The following DHTKD1 variants were observed in gnomAD, a reference collection of about 807,000 sequenced individuals.
DHTKD1 encodes the protein dehydrogenase E1 and transketolase domain containing 1, also known as 2-oxoadipate dehydrogenase complex component E1.
Under a neutral mutation model 101.8 loss-of-function variants are expected in DHTKD1, and 78 were observed. That is an observed-to-expected ratio of 0.77 (90% CI 0.64 to 0.93). DHTKD1 has a LOEUF of 0.93. Among genes scored for constraint, DHTKD1 ranks in the 40% least tolerant of loss-of-function variants. The probability of loss-of-function intolerance (pLI) is 0.00; values close to 1 mark genes in which losing one functional copy is unlikely to be tolerated. For missense variants in DHTKD1, 1,223 were observed against 1,161.7 expected (o/e 1.05, Z -0.77); for synonymous variants, 462 against 450.3 (o/e 1.03, Z -0.33).
chr10:12,069,291 T>G (rs1588597557), intron 1 of DHTKD1, 104 bp downstream of exon 1: 13 of 799,780 alleles, frequency 1.6e-5, no homozygotes, highest in East Asian at 1.3e-4. Context: ...GCTGCCGGCC[T>G]GAACGCGCGG....
chr10:12,103,181 C>T lies in DHTKD1; in HGVS notation c.1896+2000C>T, dbSNP rs1021599576. On this transcript the variant is annotated intron_variant, in intron 10 of 16. Transcript: ENST00000263035. The surrounding 1 kb of genome is among the most constrained non-coding windows in gnomAD (Gnocchi z 4.8). ...GAGGTAGTGAGCGGAGATCATACCA[C>T]TGCCCTCCAGTTTGGGCAACAGAGC... 6.6e-6 allele frequency among the ~76,000 whole-genome samples: 1 copy of T among 152,150 alleles called. No individual in the cohort carries two copies. Among genetic ancestry groups the T allele is most frequent in the Non-Finnish European group, 1.5e-5 (1 of 68,032 alleles).
chr10:12,118,790 C>T lies in DHTKD1; in HGVS notation c.2444C>T (p.Ser815Phe), dbSNP rs1421180515. Residue 815 changes from serine (S) to phenylalanine (F), a missense_variant, in exon 15 of 17, where the codon TCC becomes TTC. By Grantham distance (155) the Ser-to-Phe change is radical. Transcript: ENST00000263035. The stretch of plus-strand genomic sequence containing the variant: ...TTCTGCTCCGGCAAACATTTCTACT[C>T]CCTGGTGAAACAAAGAGAATCTCTG... ...LVFCSGKHFY[S>F]LVKQRESLGA... 4 of 1,605,460 alleles carry T rather than the reference C, an allele frequency of 2.5e-6. No individual in the cohort carries two copies. The highest frequency in any genetic ancestry group is 1.7e-4 in the Middle Eastern group (1 of 6,012).
chr10:12,120,155 G>A (rs1458740516), intron 15 of DHTKD1, 27 bp from the exon 16 acceptor site: 1 of 1,572,442 alleles, frequency 6.4e-7, no homozygotes, highest in Admixed American at 1.7e-5. Context: ...TCTACTTGAG[G>A]TGCTGAAAGA....
chr10:12,074,518 G>T (rs1832696781), intron 1 of DHTKD1, among the ~76,000 whole-genome samples: 1 of 151,756 alleles, frequency 6.6e-6, no homozygotes, highest in Non-Finnish European at 1.5e-5. Context: ...ACCATGCCCG[G>T]CTAATTTTTT....
chr10:12,114,090 G>A (rs935090721), intron 13 of DHTKD1, among the ~76,000 whole-genome samples: 1 of 150,898 alleles, frequency 6.6e-6, no homozygotes, highest in African/African-American at 2.4e-5. Flanking sequence ...AGGCTAGAGT[G>A]CAGTGGCGTG....
Position 12,106,360 on chromosome 10 carries a change from G to C in DHTKD1, c.2011G>C (p.Gly671Arg). The change falls in exon 11 of 17, where the codon GGT (glycine) becomes CGT (arginine). Residue 671 changes from glycine (G) to arginine (R), a missense_variant. By Grantham distance (125) the Gly-to-Arg change is moderately radical (BLOSUM62 -2). Transcript: ENST00000263035. ...GGCACAGTTTGGCGATTTCTTCAAT[G>C]GTGCCCAGATCATCTTTGACACATT... ...WEAQFGDFFN[G>R]AQIIFDTFIS... is the part of the protein sequence containing the mutation. The C allele has an allele frequency of 6.2e-7, 1 of 1,614,206 alleles. No homozygotes were observed. Among genetic ancestry groups the C allele is most frequent in the Non-Finnish European group, 8.5e-7 (1 of 1,180,044 alleles).
At position 12,069,304 on chromosome 10, in the gene DHTKD1, G is replaced by A. The variant is rs1276030114; in HGVS notation, c.154+117G>A. 16 of 894,982 alleles carry A rather than the reference G, an allele frequency of 1.8e-5. No homozygotes were observed. The South Asian group carries it at 1.9e-4, about 11-fold the overall frequency. 55.4% of individuals were successfully genotyped at this position (894,982 alleles called of 1,614,324 possible). ...CGGCTGCCGGCCTGAACGCGCGGCC[G>A]GTGGGGAGGAGGGGGAGGTGAGGGG... On this transcript the variant is annotated intron_variant, in intron 1 of 16. Transcript: ENST00000263035.
rs745702122 is a variant in DHTKD1, at chr10:12,101,107, G to C, written c.1822G>C (p.Val608Leu). 2.5e-6 allele frequency: 4 copies of C among 1,614,072 alleles called. No homozygotes were observed. In the South Asian group the frequency reaches 4.4e-5, roughly 18 times the overall value. Residue 608 changes from valine (V) to leucine (L), a missense_variant, in exon 10 of 17, where the codon GTG becomes CTG. By Grantham distance (32) the Val-to-Leu change is conservative. Transcript: ENST00000263035. ...AACTTTCAGTCAGAGGCATGCAATC[G>C]TGGTTTGCCAGGAGACGGATGACAC... ...RGTFSQRHAI[V>L]VCQETDDTYI...
At chr10:12,081,970 A>T (rs1467446816) in intron 2 of DHTKD1, among the ~76,000 whole-genome samples, 2 of 151,696 alleles carry the variant, frequency 1.3e-5, no homozygotes, top group African/African-American at 4.8e-5. Flanking sequence ...CAAAAAAAAA[A>T]AAAAAAAATA....
Position 12,107,783 on chromosome 10 carries a change from G to A in DHTKD1, c.2048-126G>A, listed in dbSNP as rs1460795537. Reference sequence around the variant, plus strand: ...GTATAGCATAACAGTTCTAGAAGGTGCATGTAATGAAAGCAGTTTTGGGGG... The same window carrying A: ...GTATAGCATAACAGTTCTAGAAGGTACATGTAATGAAAGCAGTTTTGGGGG... On this transcript the variant is annotated intron_variant, in intron 11 of 16. Coordinates refer to ENST00000263035, the MANE Select transcript of DHTKD1 (RefSeq NM_018706.7). This position sits in a 1 kb window ranked among gnomAD's most constrained non-coding sequence, Gnocchi z 4.1. 1 of 644,198 alleles carries A rather than the reference G, an allele frequency of 1.6e-6. No individual in the cohort carries two copies. The highest frequency in any genetic ancestry group is 2.8e-6 in the Non-Finnish European group (1 of 357,032). The allele number at this position is 644,198 out of a possible 1,614,324, so 39.9% of individuals were successfully genotyped here.
chr10:12,081,128 G>A (rs1425585125), intron 1 of DHTKD1, among the ~76,000 whole-genome samples: 9 of 151,724 alleles, frequency 5.9e-5, no homozygotes, highest in Non-Finnish European at 8.8e-5. Context: ...GTGAAACCCC[G>A]TCTCTACTAA....
chr10:12,092,304 C>T (rs1022249043), intron 6 of DHTKD1, among the ~76,000 whole-genome samples: 1 of 151,600 alleles, frequency 6.6e-6, no homozygotes, highest in African/African-American at 2.4e-5. Context: ...TTTTTAAATC[C>T]AAAGAAATAA....
At chr10:12,101,898 A>G (rs1281890012) in intron 10 of DHTKD1, among the ~76,000 whole-genome samples, 1 of 152,222 alleles carries the variant, frequency 6.6e-6, no homozygotes, top group Non-Finnish European at 1.5e-5. Flanking sequence ...CACTGCACCC[A>G]GCCAGATATA....
intron 1 of DHTKD1, among the ~76,000 whole-genome samples, chr10:12,072,943 T>C (rs1032965727): frequency 2.6e-5 from 4 of 151,748 alleles, no homozygotes; most frequent in African/African-American, 9.7e-5. Context: ...TCTGTGTTGG[T>C]CAGGCTGGTC....
intron 7 of DHTKD1, 82 bp downstream of exon 7, chr10:12,094,353 T>G: frequency 7.7e-7 from 1 of 1,291,104 alleles, no homozygotes; most frequent in East Asian, 2.5e-5. Flanking sequence ...AGTCTTGCTT[T>G]GTCACCCAGT....
chr10:12,111,332 AT>A (rs1225291009), intron 12 of DHTKD1, among the ~76,000 whole-genome samples: 20 of 151,936 alleles, frequency 1.3e-4, no homozygotes, highest in African/African-American at 3.9e-4. Context: ...TGCCCGGCTA[AT>A]TTTTGTATTT....
intron 1 of DHTKD1, among the ~76,000 whole-genome samples, chr10:12,076,687 T>C (rs1446530674): frequency 6.6e-6 from 1 of 151,372 alleles, no homozygotes; most frequent in African/African-American, 2.4e-5. Context: ...GGGACGGAGT[T>C]TTGCTGTGTC....
chr10:12,075,189 C>CT (rs1477138053), intron 1 of DHTKD1, among the ~76,000 whole-genome samples: 3 of 151,750 alleles, frequency 2.0e-5, no homozygotes, highest in South Asian at 2.1e-4. Context: ...GTTTCTTTTT[C>CT]TTTTTTTTGA....
intron 1 of DHTKD1, among the ~76,000 whole-genome samples, chr10:12,071,924 T>A (rs1165733311): frequency 6.6e-5 from 10 of 152,362 alleles, no homozygotes. Context: ...TGTGCAAACG[T>A]AACATTAATT....
Sources: gnomAD v4.1 joint callset for allele counts (sites outside exome capture counted in the v4.1 genomes callset) on GRCh38, gnomAD v4.1.1 for gene constraint, Gnocchi (gnomAD v3.1) non-coding constraint, MANE v1.5 for transcripts, NCBI Gene and HGNC (gene_info 2026-07-23, HGNC 2026-07-21) for gene names.